The following ATP13A5 variants were observed in gnomAD, a reference collection of about 807,000 sequenced individuals.
ATP13A5 encodes probable cation-transporting ATPase 13A5.
A neutral mutation model predicts 150.2 loss-of-function variants in ATP13A5; 149 were observed. The ratio of observed to expected loss-of-function variants is 0.99; its 90% CI spans 0.87 to 1.14. The LOEUF (loss-of-function observed/expected upper bound fraction) is 1.14, where lower values mean the gene tolerates loss of function less well. ATP13A5 is among the 50% of genes most tolerant of loss of function. The pLI is 0.00. For missense variants in ATP13A5, 1,383 were observed against 1,449.3 expected, an observed-to-expected ratio of 0.95 and a Z score of 0.74; for synonymous variants, 497 against 522.2, an observed-to-expected ratio of 0.95 and a Z score of 0.66.
chr3:193,368,534 G>A (rs1408117582), intron 1 of ATP13A5, among the ~76,000 whole-genome samples: 2 of 151,918 alleles, frequency 1.3e-5, no homozygotes, highest in African/African-American at 4.8e-5. Context: ...AGAAGTGAAG[G>A]CTTACCACAA....
intron 12 of ATP13A5, 79 bp from the exon 13 acceptor site, chr3:193,327,136 T>A: frequency 1.6e-6 from 2 of 1,240,384 alleles, no homozygotes; most frequent in South Asian, 2.8e-5. Context: ...AACCCAAGTT[T>A]CTAAGATATT....
chr3:193,288,791 A>G (rs1717828077), intron 26 of ATP13A5, among the ~76,000 whole-genome samples: 1 of 152,140 alleles, frequency 6.6e-6, no homozygotes, highest in Non-Finnish European at 1.5e-5. Context: ...TATAGAGTTT[A>G]CAACCAAAGA....
chr3:193,333,415 A>G (rs1711718766), intron 11 of ATP13A5, among the ~76,000 whole-genome samples: 2 of 152,204 alleles, frequency 1.3e-5, no homozygotes, highest in Admixed American at 6.5e-5. Context: ...CCACCAGGCT[A>G]TGACAAGGAG....
Position 193,321,795 on chromosome 3 carries a change from A to C in ATP13A5, c.1801T>G (p.Ser601Ala). 1 of 1,614,138 alleles carries C rather than the reference A, an allele frequency of 6.2e-7. No individual in the cohort carries two copies. The highest frequency in any genetic ancestry group is 8.5e-7 in the Non-Finnish European group (1 of 1,180,000). ...AIITLCQFPF[S>A]SSLQRMSVIA... ...ACGGACATCCTCTGCAGGCTCGAGGAAAATGGAAACTGGCACAAGGTGATG... is the reference window on the plus strand; with the variant it reads ...ACGGACATCCTCTGCAGGCTCGAGGCAAATGGAAACTGGCACAAGGTGATG... The change falls in exon 16 of 30, where the codon TCC (serine) becomes GCC (alanine). Residue 601 changes from serine to alanine, a missense_variant. By Grantham distance (99) the Ser-to-Ala change is moderately conservative (BLOSUM62 1). Around this residue, in one of 3 missense-constraint regions of ATP13A5, gnomAD observed 787 missense variants for 771.9 expected, o/e 1.02. Coordinates refer to ENST00000342358, the MANE Select transcript of ATP13A5 (RefSeq NM_198505.4).
chr3:193,298,088 A>C (rs1718244326), intron 25 of ATP13A5, among the ~76,000 whole-genome samples: 1 of 152,094 alleles, frequency 6.6e-6, no homozygotes. Context: ...TTCTATGAGG[A>C]CAGTTAGCCA....
intron 1 of ATP13A5, among the ~76,000 whole-genome samples, chr3:193,376,096 A>G (rs963760571): frequency 6.6e-6 from 1 of 152,246 alleles, no homozygotes; most frequent in Non-Finnish European, 1.5e-5. Context: ...AACCATGCCC[A>G]GGTTTACTTT....
chr3:193,334,957 C>A lies in ATP13A5; in HGVS notation c.1086G>T (p.Gly362=). ...TTTGCAAAACGACTGCTCGTACAGG[C>A]CCCTGCCCAGAGGGCTTGACCTGGA... ...EVIQVKPSGQ[G]PVRAVVLQTG... is the part of the protein sequence containing the mutation. Residue 362 remains glycine, a synonymous_variant, in exon 10 of 30, where the codon GGG becomes GGT. Coordinates refer to ENST00000342358, the MANE Select transcript of ATP13A5 (RefSeq NM_198505.4). 1 of 1,613,788 alleles carries A rather than the reference C, an allele frequency of 6.2e-7. No homozygotes were observed.
At chr3:193,354,100 A>T (rs761540463) in intron 6 of ATP13A5, 27 bp downstream of exon 6, 1 of 305,716 alleles carries the variant, frequency 3.3e-6, no homozygotes, top group Non-Finnish European at 4.4e-6. Flanking sequence ...CTATTTTTTC[A>T]AAAAAAAAAG....
At chr3:193,301,756 G>A (rs1049345732) in intron 23 of ATP13A5, among the ~76,000 whole-genome samples, 4 of 152,094 alleles carry the variant, frequency 2.6e-5, no homozygotes, top group African/African-American at 9.7e-5. Context: ...AGAGGTCCTT[G>A]GAGACATAAA....
At chr3:193,329,813 G>A (rs1711559936) in intron 12 of ATP13A5, among the ~76,000 whole-genome samples, 1 of 152,122 alleles carries the variant, frequency 6.6e-6, no homozygotes, top group Admixed American at 6.5e-5. Context: ...TTTTGTCTGG[G>A]ACAAGCAATG....
At position 193,319,007 on chromosome 3, in the gene ATP13A5, C is replaced by T; in HGVS notation, c.2017G>A (p.Val673Ile). 1 of 1,613,726 alleles carries T rather than the reference C, an allele frequency of 6.2e-7. No homozygotes were observed. Among genetic ancestry groups the T allele is most frequent in the Non-Finnish European group, 8.5e-7 (1 of 1,179,668 alleles). The change falls in exon 17 of 30, where the codon GTC becomes ATC. Residue 673 changes from valine (V) to isoleucine (I), a missense_variant. Around this residue, in one of 3 missense-constraint regions of ATP13A5, gnomAD observed 28 missense variants for 55.9 expected, o/e 0.50. Coordinates refer to ENST00000342358, the MANE Select transcript of ATP13A5 (RefSeq NM_198505.4). ...KTLKMGNLSE[V>I]EHLAREKVES... Reference sequence around the variant, plus strand: ...ATTGCTTACCTGGCTAAGTGCTCGACTTCTGAAAGATTCCCCATCTTTAAG... The same window carrying T: ...ATTGCTTACCTGGCTAAGTGCTCGATTTCTGAAAGATTCCCCATCTTTAAG...
intron 28 of ATP13A5, among the ~76,000 whole-genome samples, chr3:193,279,137 T>C (rs1717362273): frequency 1.3e-5 from 2 of 152,170 alleles, no homozygotes; most frequent in African/African-American, 2.4e-5. Flanking sequence ...CCAAACAATA[T>C]TTCAGGTAGG....
chr3:193,346,135 AAT>A (rs1403296057), intron 7 of ATP13A5, among the ~76,000 whole-genome samples: 1 of 152,106 alleles, frequency 6.6e-6, no homozygotes, highest in Admixed American at 6.6e-5. Flanking sequence ...AACAGAATAC[AAT>A]AGGGTTAAGT....
At chr3:193,325,777 G>C (rs1002889446) in intron 13 of ATP13A5, among the ~76,000 whole-genome samples, 3 of 152,102 alleles carry the variant, frequency 2.0e-5, no homozygotes, top group African/African-American at 7.2e-5. Flanking sequence ...AATACAAACT[G>C]GTATCTTGTA....
chr3:193,299,079 G>A, intron 25 of ATP13A5, 52 bp downstream of exon 25: 1 of 1,442,826 alleles, frequency 6.9e-7, no homozygotes, highest in Non-Finnish European at 9.4e-7. Flanking sequence ...ACTGTTTCTA[G>A]AATTTCATAG....
chr3:193,299,193 A>T lies in ATP13A5; in HGVS notation c.2786T>A (p.Leu929His), dbSNP rs1296478641. 1.2e-6 allele frequency: 2 copies of T among 1,609,000 alleles called. No homozygotes were observed. Residue 929 changes from leucine (L) to histidine (H), a missense_variant, in exon 25 of 30, where the codon CTC becomes CAC. Leu to His is a moderately conservative substitution (Grantham distance 99). Coordinates refer to ENST00000342358, the MANE Select transcript of ATP13A5 (RefSeq NM_198505.4). ...SALLLYWQLQ[L>H]FGNYQYLMQD... ...CATGAGATACTGGTAATTTCCAAAG[A>T]GTTGTAGTTGCTGAAAAAGAAACAA...
chr3:193,366,242 A>T (rs1340923136), intron 1 of ATP13A5, among the ~76,000 whole-genome samples: 1 of 152,070 alleles, frequency 6.6e-6, no homozygotes, highest in African/African-American at 2.4e-5. Flanking sequence ...TATGAAATTT[A>T]ACCCAACTAT....
chr3:193,294,302 T>G (rs548768097), intron 25 of ATP13A5, among the ~76,000 whole-genome samples: 24 of 152,078 alleles, frequency 1.6e-4, no homozygotes, highest in Non-Finnish European at 2.9e-4. Flanking sequence ...GTTCTTAGAT[T>G]TTTTTGAGAA....
At chr3:193,347,272 T>C (rs4687403) in intron 7 of ATP13A5, among the ~76,000 whole-genome samples, 147,003 of 152,230 alleles carry the variant, frequency 0.97, 71,006 homozygotes, top group African/African-American at 0.99. Flanking sequence ...GGCACTTGAA[T>C]AACAGTATTT....
Sources: gnomAD v4.1 joint callset for allele counts (sites outside exome capture counted in the v4.1 genomes callset) on GRCh38, gnomAD v4.1.1 for gene constraint, gnomAD v4.1.1 regional missense constraint, MANE v1.5 for transcripts, NCBI Gene and HGNC (gene_info 2026-07-23, HGNC 2026-07-21) for gene names.